Variants in DISP1 observed in about 807,000 individuals in gnomAD.
The protein encoded by DISP1 is dispatched RND transporter family member 1, also known as protein dispatched homolog 1.
Under a neutral mutation model 37.3 loss-of-function variants are expected in DISP1, and 30 were observed. That is an observed-to-expected ratio of 0.80 (90% CI 0.60 to 1.09). The LOEUF is 1.09. Ranked by LOEUF, DISP1 falls within the 50% of genes least tolerant of loss-of-function variation. DISP1 has a pLI of 0.00. For synonymous variants in DISP1, 634 were observed against 690.2 expected (o/e 0.92, Z 1.28); for missense variants, 1,598 against 1,879.5 (o/e 0.85, Z 2.77).
intron 2 of DISP1, among the ~76,000 whole-genome samples, chr1:222,937,312 G>A (rs970162237): frequency 3.4e-4 from 52 of 151,636 alleles, no homozygotes; most frequent in Admixed American, 9.2e-4. Context: ...GGATGGTCTC[G>A]ATCTCCTGAC....
At chr1:222,992,627 G>A (rs1270431933) in intron 7 of DISP1, among the ~76,000 whole-genome samples, 1 of 152,132 alleles carries the variant, frequency 6.6e-6, no homozygotes, top group Non-Finnish European at 1.5e-5. Context: ...TAGAGGTAGA[G>A]AGGTGAAAAA....
intron 1 of DISP1, among the ~76,000 whole-genome samples, chr1:222,927,277 G>A (rs995152848): frequency 2.6e-5 from 4 of 151,982 alleles, no homozygotes; most frequent in Non-Finnish European, 5.9e-5. Flanking sequence ...AAGTGGTTTC[G>A]ATTTGTATTT....
rs562126479 is a variant in DISP1, at chr1:222,842,819, T to C, written c.-159+27741T>C. On this transcript the variant is annotated intron_variant, in intron 1 of 8. Transcript: ENST00000675850. ...GACCTCAGAACCTTTTCTTTCCTAA[T>C]CTTATGGTTGTCTGATGCACTTTAT... 2.0e-5 allele frequency among the ~76,000 whole-genome samples: 3 copies of C among 152,148 alleles called. No individual in the cohort carries two copies. In the South Asian group the frequency reaches 6.2e-4, roughly 32 times the overall value.
intron 2 of DISP1, among the ~76,000 whole-genome samples, chr1:222,937,969 G>A (rs959076458): frequency 2.8e-4 from 43 of 152,006 alleles, no homozygotes; most frequent in African/African-American, 8.5e-4. Context: ...CGTCTCTTGG[G>A]CTCAAGTGAT....
chr1:222,911,931 A>G (rs972386528), intron 1 of DISP1, among the ~76,000 whole-genome samples: 1 of 152,194 alleles, frequency 6.6e-6, no homozygotes, highest in Non-Finnish European at 1.5e-5. Flanking sequence ...CATGTTGCTT[A>G]TGAACTACAA....
chr1:222,960,107 A>ACTT, intron 3 of DISP1, among the ~76,000 whole-genome samples: 1 of 152,340 alleles, frequency 6.6e-6, no homozygotes, highest in South Asian at 2.1e-4. Context: ...ACTTGAACTC[A>ACTT]GCTCTGGATC....
intron 1 of DISP1, among the ~76,000 whole-genome samples, chr1:222,895,885 C>A (rs1436543956): frequency 6.6e-6 from 1 of 152,144 alleles, no homozygotes; most frequent in Admixed American, 6.5e-5. Flanking sequence ...TCTTTGTGAC[C>A]TTAGGAAAGG....
chr1:222,936,738 A>T (rs866609254), intron 2 of DISP1, among the ~76,000 whole-genome samples: 3 of 89,154 alleles, frequency 3.4e-5, no homozygotes, highest in South Asian at 3.2e-4. Flanking sequence ...ATATATAAAA[A>T]TTATATATCA....
chr1:222,874,685 T>C (rs1256148007), intron 1 of DISP1, among the ~76,000 whole-genome samples: 1 of 152,156 alleles, frequency 6.6e-6, no homozygotes, highest in African/African-American at 2.4e-5. Flanking sequence ...AGTTTTTAAC[T>C]TCTTTGCCAT....
chr1:222,983,136 A>G (rs756756234), intron 4 of DISP1, 27 bp downstream of exon 4: 7 of 1,558,246 alleles, frequency 4.5e-6, no homozygotes, highest in Non-Finnish European at 6.2e-6. Flanking sequence ...CATCTTATTA[A>G]ATAATAAACT....
chr1:222,959,537 C>T (rs1258087887), intron 3 of DISP1, among the ~76,000 whole-genome samples: 1 of 151,726 alleles, frequency 6.6e-6, no homozygotes, highest in Non-Finnish European at 1.5e-5. Flanking sequence ...CCCGTCTCTA[C>T]TGAAAATACA....
At chr1:222,967,447 A>G (rs1452894682) in intron 3 of DISP1, among the ~76,000 whole-genome samples, 1 of 152,138 alleles carries the variant, frequency 6.6e-6, no homozygotes, top group East Asian at 1.9e-4. Flanking sequence ...TCTTTAGGCA[A>G]CCCTTCTTAG....
In DISP1 at chr1:222,943,568, A is replaced by G. The variant is rs1674540860; in HGVS notation, c.509+236A>G. On this transcript the variant is annotated intron_variant, in intron 3 of 8. Coordinates refer to ENST00000675850, the MANE Select transcript of DISP1 (RefSeq NM_001377229.1). ...TCCCTTCCCCTTTCCCTGTCTGCAAACTGGTTAGGAATATCTGCTAGACCT... is the reference window on the plus strand; with the variant it reads ...TCCCTTCCCCTTTCCCTGTCTGCAAGCTGGTTAGGAATATCTGCTAGACCT... 3.4e-6 allele frequency: 2 copies of G among 594,962 alleles called. 1 individual carries two copies. The highest frequency in any genetic ancestry group is 4.0e-5 in the South Asian group (2 of 49,736). The allele number at this position is 594,962 out of a possible 1,614,324, so 36.9% of individuals were successfully genotyped here.
chr1:222,817,026 C>A (rs1661418909), intron 1 of DISP1, among the ~76,000 whole-genome samples: 1 of 152,236 alleles, frequency 6.6e-6, no homozygotes, highest in Non-Finnish European at 1.5e-5. Context: ...TGTTGAAACA[C>A]AAGAGCACTT....
chr1:222,964,018 T>C (rs1676269596), intron 3 of DISP1, among the ~76,000 whole-genome samples: 1 of 151,848 alleles, frequency 6.6e-6, no homozygotes, highest in East Asian at 1.9e-4. Context: ...TGATCCTTAA[T>C]TAAAAAAAAA....
chr1:222,845,658 ATTAT>A (rs1171369233), intron 1 of DISP1, among the ~76,000 whole-genome samples: 3 of 152,294 alleles, frequency 2.0e-5, no homozygotes, highest in East Asian at 1.9e-4. Context: ...TTTACTTAAT[ATTAT>A]TTATTATGAC....
intron 1 of DISP1, among the ~76,000 whole-genome samples, chr1:222,817,866 A>G (rs576750663): frequency 6.6e-5 from 10 of 152,356 alleles, no homozygotes; most frequent in Admixed American, 2.6e-4. Flanking sequence ...ATAGGCATGT[A>G]GTTATGACTG....
intron 2 of DISP1, among the ~76,000 whole-genome samples, chr1:222,939,309 A>G (rs2609389): frequency 0.73 from 110,589 of 150,820 alleles, 40,900 homozygotes; most frequent in South Asian, 0.85. Flanking sequence ...TTTGTAATAA[A>G]TTTAAAAGAG....
chr1:222,824,480 T>G (rs1663784621), intron 1 of DISP1, among the ~76,000 whole-genome samples: 1 of 152,198 alleles, frequency 6.6e-6, no homozygotes, highest in East Asian at 1.9e-4. Context: ...CTTAAATGAT[T>G]TGGTGCTGAT....
Sources: allele counts gnomAD v4.1 joint callset (sites outside exome capture counted in the v4.1 genomes callset), GRCh38; gene constraint gnomAD v4.1.1; transcripts MANE v1.5; gene names NCBI Gene and HGNC (gene_info 2026-07-23, HGNC 2026-07-21).